The following ZSWIM6 variants were observed in gnomAD, a reference collection of about 807,000 sequenced individuals.
The protein encoded by ZSWIM6 is zinc finger SWIM-type containing 6.
In ZSWIM6, 9 loss-of-function variants were observed where a neutral mutation model predicts 113.2. The ratio of observed to expected loss-of-function variants is 0.08; its 90% confidence interval spans 0.05 to 0.14. ZSWIM6 has a LOEUF of 0.14. ZSWIM6 is among the 10% of genes least tolerant of loss of function. ZSWIM6 has a pLI of 1.00. For synonymous variants in ZSWIM6, 611 were observed against 606.5 expected (o/e 1.01, Z -0.11); for missense variants, 1,162 against 1,552.2 (o/e 0.75, Z 4.22).
intron 1 of ZSWIM6, among the ~76,000 whole-genome samples, chr5:61,459,730 G>T (rs538429722): frequency 6.6e-6 from 1 of 152,186 alleles, no homozygotes; most frequent in African/African-American, 2.4e-5. Flanking sequence ...ACTGTTCTAG[G>T]TACTTCTAAG....
chr5:61,344,463 G>A (rs1318801132), intron 1 of ZSWIM6, among the ~76,000 whole-genome samples: 1 of 152,162 alleles, frequency 6.6e-6, no homozygotes, highest in African/African-American at 2.4e-5. Flanking sequence ...CACAGCTCCA[G>A]TTTGTTCTTT....
intron 1 of ZSWIM6, among the ~76,000 whole-genome samples, chr5:61,468,746 G>A (rs1747493046): frequency 6.6e-6 from 1 of 152,164 alleles, no homozygotes. Context: ...TGGGTTCTCA[G>A]GTATGATTTA....
chr5:61,430,867 T>G (rs904646871), intron 1 of ZSWIM6, among the ~76,000 whole-genome samples: 1 of 152,222 alleles, frequency 6.6e-6, no homozygotes, highest in Non-Finnish European at 1.5e-5. Flanking sequence ...GTTGTGAAAG[T>G]TGCAGTTAGT....
chr5:61,367,116 CCT>C (rs1273712624), intron 1 of ZSWIM6, among the ~76,000 whole-genome samples: 1 of 152,144 alleles, frequency 6.6e-6, no homozygotes, highest in Non-Finnish European at 1.5e-5. Context: ...CTCACCATCC[CCT>C]GAGGATTCAC....
intron 1 of ZSWIM6, among the ~76,000 whole-genome samples, chr5:61,452,002 A>G (rs1580003200): frequency 6.6e-6 from 1 of 152,224 alleles, no homozygotes; most frequent in South Asian, 2.1e-4. Context: ...AGTACCCGCT[A>G]CTCAACCTTA....
intron 1 of ZSWIM6, among the ~76,000 whole-genome samples, chr5:61,341,828 T>A (rs1744554207): frequency 2.0e-5 from 3 of 152,006 alleles, no homozygotes; most frequent in African/African-American, 7.3e-5. Context: ...ATGTACTTCT[T>A]TCACATAAAT....
chr5:61,422,744 C>A (rs906926940), intron 1 of ZSWIM6, among the ~76,000 whole-genome samples: 1 of 152,108 alleles, frequency 6.6e-6, no homozygotes, highest in East Asian at 1.9e-4. Flanking sequence ...TTATTTTTTA[C>A]ATTAGTGTTT....
At chr5:61,381,545 A>G (rs1745476112) in intron 1 of ZSWIM6, among the ~76,000 whole-genome samples, 1 of 152,234 alleles carries the variant, frequency 6.6e-6, no homozygotes, top group African/African-American at 2.4e-5. Context: ...ATGGCTTCAT[A>G]TTAAAGGATG....
In ZSWIM6 at chr5:61,526,258, C is replaced by T. The variant is rs968415621; in HGVS notation, c.1699C>T (p.Pro567Ser). ...RGWPLWHEHV[P>S]TACARVDALR... Reference sequence around the variant, plus strand: ...TTGACTTTCTGTTTTAGAACATGTTCCTACAGCCTGTGCAAGAGTGGACGC... The same window carrying T: ...TTGACTTTCTGTTTTAGAACATGTTTCTACAGCCTGTGCAAGAGTGGACGC... The change falls in exon 7 of 14, where the codon CCT becomes TCT. Residue 567 changes from proline (P) to serine (S), a missense_variant. Physicochemically the swap from Pro to Ser is moderately conservative, Grantham distance 74. Around this residue, in one of 4 missense-constraint regions of ZSWIM6, gnomAD observed 620 missense variants for 804.6 expected, o/e 0.77. Transcript: ENST00000252744. 1 of 1,550,678 alleles carries T rather than the reference C, an allele frequency of 6.4e-7. No individual in the cohort carries two copies. Among genetic ancestry groups the T allele is most frequent in the African/African-American group, 1.4e-5 (1 of 72,974 alleles).
intron 9 of ZSWIM6, among the ~76,000 whole-genome samples, chr5:61,533,939 T>G (rs1467927377): frequency 6.6e-6 from 1 of 152,208 alleles, no homozygotes; most frequent in African/African-American, 2.4e-5. Flanking sequence ...CTTTTCTCTG[T>G]GTCTTCACAT....
intron 2 of ZSWIM6, among the ~76,000 whole-genome samples, chr5:61,479,473 C>T (rs1747799657): frequency 6.6e-6 from 1 of 152,124 alleles, no homozygotes; most frequent in Non-Finnish European, 1.5e-5. Flanking sequence ...CTGACACCAT[C>T]CCAACCCTCA....
At position 61,402,367 on chromosome 5, in the gene ZSWIM6, T is replaced by C. The variant is rs1745955193; in HGVS notation, c.676+69419T>C. 2.6e-5 allele frequency among the ~76,000 whole-genome samples: 4 copies of C among 152,216 alleles called. No homozygotes were observed. In the South Asian group the frequency reaches 8.3e-4, roughly 31 times the overall value. On this transcript the variant is annotated intron_variant, in intron 1 of 13. Coordinates refer to ENST00000252744, the MANE Select transcript of ZSWIM6 (RefSeq NM_020928.2). ...TGTGGTTTTTAGTTACAGCAGATCT[T>C]TTAAAACTACAATGGAATTTTGCCA...
At chr5:61,448,814 G>T (rs564581368) in intron 1 of ZSWIM6, among the ~76,000 whole-genome samples, 10 of 152,342 alleles carry the variant, frequency 6.6e-5, no homozygotes, top group Non-Finnish European at 1.3e-4. Context: ...ATAGATGGGA[G>T]TGGAAGTTAA....
chr5:61,387,224 A>T lies in ZSWIM6; in HGVS notation c.676+54276A>T. On this transcript the variant is annotated intron_variant, in intron 1 of 13. Coordinates refer to ENST00000252744, the MANE Select transcript of ZSWIM6 (RefSeq NM_020928.2). ...ATACAGTAAATTGGCTGCCCCAACC[A>T]AACAGCATATTTATATAAGTTGCCT... Among the ~76,000 whole-genome samples, 2 of 152,238 alleles carry T rather than the reference A, an allele frequency of 1.3e-5. 1 individual carries two copies. Among genetic ancestry groups the T allele is most frequent in the Non-Finnish European group, 2.9e-5 (2 of 68,048 alleles).
intron 1 of ZSWIM6, among the ~76,000 whole-genome samples, chr5:61,418,995 T>A (rs1746306132): frequency 6.6e-6 from 1 of 152,250 alleles, no homozygotes. Context: ...CTAATTTTTG[T>A]GTTTTTAGTA....
chr5:61,445,353 T>A (rs143409255), intron 1 of ZSWIM6, among the ~76,000 whole-genome samples: 2 of 152,298 alleles, frequency 1.3e-5, no homozygotes, highest in Non-Finnish European at 1.5e-5. Context: ...AAAAAGAGCA[T>A]CATCATACAT....
chr5:61,493,060 T>A (rs1031787713), intron 3 of ZSWIM6, among the ~76,000 whole-genome samples: 4 of 152,162 alleles, frequency 2.6e-5, no homozygotes. Context: ...AGGCTTACCC[T>A]TGTGTTTCCT....
At chr5:61,502,338 C>T (rs1748493313) in intron 4 of ZSWIM6, among the ~76,000 whole-genome samples, 1 of 152,114 alleles carries the variant, frequency 6.6e-6, no homozygotes, top group African/African-American at 2.4e-5. Context: ...TCGTTAGGCT[C>T]ATGATGGGGA....
rs567795984 is a variant in ZSWIM6 at position 61,448,290 on chromosome 5, A to G, written c.677-24391A>G. The stretch of plus-strand genomic sequence containing the variant: ...ATTTTATTGAGTTGTAAAACTATCA[A>G]TTGTGAAAAGCACTTAACATAGTAC... On this transcript the variant is annotated intron_variant, in intron 1 of 13. Transcript: ENST00000252744. Among the ~76,000 whole-genome samples, 5 of 152,322 alleles carry G rather than the reference A, an allele frequency of 3.3e-5. No homozygotes were observed. The South Asian group carries it at 6.2e-4, about 19-fold the overall frequency.
Sources: gnomAD v4.1 joint callset for allele counts (sites outside exome capture counted in the v4.1 genomes callset) on GRCh38, gnomAD v4.1.1 for gene constraint, gnomAD v4.1.1 regional missense constraint, MANE v1.5 for transcripts, NCBI Gene and HGNC (gene_info 2026-07-23, HGNC 2026-07-21) for gene names.